Variants in EFR3B observed in about 807,000 individuals in gnomAD.
EFR3B encodes the protein protein EFR3 homolog B.
Under a neutral mutation model 104.7 loss-of-function variants are expected in EFR3B, and 64 were observed. That is an observed-to-expected ratio of 0.61 (90% CI 0.50 to 0.75). EFR3B has a LOEUF of 0.75. Among genes scored for constraint, EFR3B ranks in the 30% least tolerant of loss-of-function variants. The pLI, the probability that EFR3B is intolerant of heterozygous loss-of-function variation, is 0.00. For missense variants in EFR3B, 750 were observed against 1,078.5 expected (o/e 0.70, Z 4.27); for synonymous variants, 385 against 417.9 (o/e 0.92, Z 0.96).
intron 17 of EFR3B, among the ~76,000 whole-genome samples, chr2:25,141,773 G>T (rs1319688361): frequency 1.3e-5 from 2 of 152,230 alleles, no homozygotes; most frequent in East Asian, 1.9e-4. Context: ...CATAGTGGGT[G>T]CTGTGGGCCA....
chr2:25,106,694 C>T (rs186065119), intron 4 of EFR3B, among the ~76,000 whole-genome samples: 1 of 151,842 alleles, frequency 6.6e-6, no homozygotes, highest in African/African-American at 2.4e-5. Flanking sequence ...CCGCCTGCCT[C>T]GGCCTCCCAA....
chr2:25,123,525 C>T (rs886064737), intron 5 of EFR3B, among the ~76,000 whole-genome samples: 1 of 152,174 alleles, frequency 6.6e-6, no homozygotes, highest in Non-Finnish European at 1.5e-5. Context: ...AGCTGCCCTG[C>T]CTGAGTGCCT....
At chr2:25,080,979 A>G in intron 1 of EFR3B, 1 of 756,714 alleles carries the variant, frequency 1.3e-6, no homozygotes, top group Non-Finnish European at 2.5e-6. Context: ...GCCTTCTACA[A>G]TATCAACAGG....
chr2:25,151,396 C>T (rs1228327890), intron 20 of EFR3B, among the ~76,000 whole-genome samples: 1 of 152,136 alleles, frequency 6.6e-6, no homozygotes, highest in African/African-American at 2.4e-5. Flanking sequence ...ACTGAGACTA[C>T]AGGCATATGC....
At chr2:25,066,629 C>T (rs777363849) in intron 1 of EFR3B, among the ~76,000 whole-genome samples, 3 of 152,252 alleles carry the variant, frequency 2.0e-5, no homozygotes, top group Non-Finnish European at 4.4e-5. Context: ...TCCCAGCACG[C>T]TGGCTCTCTG....
chr2:25,109,883 G>T (rs1343401527), intron 4 of EFR3B, among the ~76,000 whole-genome samples: 1 of 152,142 alleles, frequency 6.6e-6, no homozygotes, highest in Non-Finnish European at 1.5e-5. Context: ...TTAAAAAGTT[G>T]TACTCTGAGT....
Position 25,155,545 on chromosome 2 carries a change from C to CGCGGAGCCGG in EFR3B, c.*1208_*1217dup, listed in dbSNP as rs1285846065. 6.6e-6 allele frequency: 1 copy of CGCGGAGCCGG among 152,118 alleles called. No individual in the cohort carries two copies. The highest frequency in any genetic ancestry group is 6.6e-5 in the Admixed American group (1 of 15,258). The allele number at this position is 152,118 out of a possible 1,614,324, so 9.4% of individuals were successfully genotyped here. A position where few individuals can be genotyped will look rare whatever the true frequency, so the allele number is the denominator to read the frequency against. Reference sequence around the variant, plus strand: ...ATGAGGATGTGCAGAGAGGAGCTAACGCGGAGCCGGGCAGAGCCACCCAGG... The same window carrying CGCGGAGCCGG: ...ATGAGGATGTGCAGAGAGGAGCTAACGCGGAGCCGGGCGGAGCCGGGCAGAGCCACCCAGG... On this transcript the variant is annotated 3_prime_UTR_variant, in exon 23 of 23. Coordinates refer to ENST00000403714, the MANE Select transcript of EFR3B (RefSeq NM_014971.2).
At chr2:25,051,020 G>C (rs11695038) in intron 1 of EFR3B, among the ~76,000 whole-genome samples, 2,731 of 152,224 alleles carry the variant, frequency 0.018, 35 homozygotes, top group Non-Finnish European at 0.03. Flanking sequence ...GATTCCCCTC[G>C]GTGAAATTGC....
intron 4 of EFR3B, among the ~76,000 whole-genome samples, chr2:25,116,335 G>A (rs1669858046): frequency 6.6e-6 from 1 of 152,110 alleles, no homozygotes; most frequent in Non-Finnish European, 1.5e-5. Context: ...TTAAAGAAAA[G>A]GAAACAGGCC....
chr2:25,137,613 C>T lies in EFR3B; in HGVS notation c.1722+111C>T, dbSNP rs1670553454. ...CAACTGCTTAACACTGTTTTGGAGC[C>T]CAGGAATATTGTACTCGTGGTTGGC... On this transcript the variant is annotated intron_variant, in intron 15 of 22. Coordinates refer to ENST00000403714, the MANE Select transcript of EFR3B (RefSeq NM_014971.2). The surrounding 1 kb of genome is among the most constrained non-coding windows in gnomAD (Gnocchi z 4.7). 2.1e-6 allele frequency: 3 copies of T among 1,449,782 alleles called. No homozygotes were observed. In the South Asian group the frequency reaches 4.1e-5, roughly 20 times the overall value. 89.8% of individuals were successfully genotyped at this position (1,449,782 alleles called of 1,614,324 possible).
chr2:25,082,014 C>G (rs1266004260), intron 1 of EFR3B, among the ~76,000 whole-genome samples: 1 of 152,132 alleles, frequency 6.6e-6, no homozygotes, highest in Non-Finnish European at 1.5e-5. Context: ...AGCAAGCAGG[C>G]CAAAGGAGAA....
chr2:25,115,583 G>A (rs1035473034), intron 4 of EFR3B, among the ~76,000 whole-genome samples: 6 of 152,302 alleles, frequency 3.9e-5, no homozygotes, highest in East Asian at 1.9e-4. Flanking sequence ...ACCTCTGCAC[G>A]TTACCTTATA....
At chr2:25,063,546 A>T (rs971132792) in intron 1 of EFR3B, among the ~76,000 whole-genome samples, 3 of 152,180 alleles carry the variant, frequency 2.0e-5, no homozygotes, top group African/African-American at 4.8e-5. Context: ...TTAGCAGTTA[A>T]TGTGACTTTG....
chr2:25,089,853 G>A (rs1189625986), intron 1 of EFR3B, among the ~76,000 whole-genome samples: 1 of 152,058 alleles, frequency 6.6e-6, no homozygotes, highest in South Asian at 2.1e-4. Context: ...GCTGAGGGTG[G>A]TGGAGGGGAT....
At chr2:25,100,313 C>T (rs190804981) in intron 3 of EFR3B, among the ~76,000 whole-genome samples, 6 of 152,268 alleles carry the variant, frequency 3.9e-5, no homozygotes, top group Admixed American at 1.3e-4. Flanking sequence ...ATTACATTTA[C>T]GGCATGTGAA....
intron 1 of EFR3B, among the ~76,000 whole-genome samples, chr2:25,051,081 C>G (rs1667854130): frequency 6.6e-6 from 1 of 152,102 alleles, no homozygotes; most frequent in African/African-American, 2.4e-5. Flanking sequence ...AGGCTCCACC[C>G]CCCTTTGCAG....
intron 1 of EFR3B, among the ~76,000 whole-genome samples, chr2:25,060,609 G>A (rs963462935): frequency 2.6e-5 from 4 of 152,132 alleles, no homozygotes; most frequent in Admixed American, 2.6e-4. Flanking sequence ...ACCTTGGAGA[G>A]GGGGTGATAT....
intron 5 of EFR3B, 70 bp from the exon 6 acceptor site, chr2:25,128,113 C>A (rs1670216492): frequency 6.5e-7 from 1 of 1,527,002 alleles, no homozygotes; most frequent in African/African-American, 1.4e-5. Context: ...GTGCTCTTCT[C>A]TTAGCCACCG....
intron 1 of EFR3B, among the ~76,000 whole-genome samples, chr2:25,048,343 T>A (rs533695229): frequency 3.3e-4 from 50 of 152,356 alleles, no homozygotes; most frequent in East Asian, 1.5e-3. Flanking sequence ...TCCTTTTTTT[T>A]AAAATTAGCA....
Sources: allele counts gnomAD v4.1 joint callset (sites outside exome capture counted in the v4.1 genomes callset), GRCh38; gene constraint gnomAD v4.1.1; non-coding constraint Gnocchi (gnomAD v3.1); transcripts MANE v1.5; gene names NCBI Gene and HGNC (gene_info 2026-07-23, HGNC 2026-07-21).